Variants in VTI1A observed in about 807,000 individuals in gnomAD.
VTI1A encodes the protein vesicle transport through interaction with t-SNAREs 1A.
A neutral mutation model predicts 34.9 loss-of-function variants in VTI1A; 22 were observed. The observed-to-expected ratio is 0.63, with a 90% CI of 0.45 to 0.90. The LOEUF (loss-of-function observed/expected upper bound fraction) is 0.90. Among genes scored for constraint, VTI1A ranks in the 40% least tolerant of loss-of-function variants. The pLI, the probability that VTI1A is intolerant of heterozygous loss-of-function variation, is 0.00. For missense variants in VTI1A, 268 were observed against 275.6 expected, an observed-to-expected ratio of 0.97 and a Z score of 0.20; for synonymous variants, 87 against 97.3, an observed-to-expected ratio of 0.89 and a Z score of 0.62.
chr10:112,744,599 C>T (rs189810270), intron 7 of VTI1A, among the ~76,000 whole-genome samples: 1 of 151,964 alleles, frequency 6.6e-6, no homozygotes, highest in Non-Finnish European at 1.5e-5. Context: ...CACATGTCAC[C>T]ATGCATGACT....
At chr10:112,842,806 T>A in the VTI1A span, among the ~76,000 whole-genome samples, 2 of 152,148 alleles carry the variant, frequency 1.3e-5, no homozygotes, top group Non-Finnish European at 2.9e-5. Context: ...TTCTGTTCCC[T>A]GCCCTTAAGG....
At chr10:112,752,274 C>A in intron 7 of VTI1A, 1 of 735,754 alleles carries the variant, frequency 1.4e-6, no homozygotes. Flanking sequence ...CTGAATCCAG[C>A]CTGGCTCCAG....
At chr10:112,458,247 T>C (rs1847606819) in intron 1 of VTI1A, among the ~76,000 whole-genome samples, 1 of 152,186 alleles carries the variant, frequency 6.6e-6, no homozygotes, top group Non-Finnish European at 1.5e-5. Flanking sequence ...GAACAGGATG[T>C]TCCTCCTGAT....
chr10:112,585,065 C>T (rs1844091493), intron 5 of VTI1A, among the ~76,000 whole-genome samples: 1 of 152,168 alleles, frequency 6.6e-6, no homozygotes, highest in Non-Finnish European at 1.5e-5. Context: ...AAACTAGCTT[C>T]TTTAATTGAG....
At chr10:112,488,623 A>G (rs1046915485) in intron 3 of VTI1A, among the ~76,000 whole-genome samples, 6 of 152,226 alleles carry the variant, frequency 3.9e-5, no homozygotes, top group Non-Finnish European at 7.3e-5. Flanking sequence ...TTTGTCTTCT[A>G]TAATTTGCAC....
chr10:112,777,144 A>G (rs1481590065), intron 7 of VTI1A, among the ~76,000 whole-genome samples: 1 of 152,210 alleles, frequency 6.6e-6, no homozygotes. Flanking sequence ...CAGAAAGTAA[A>G]ATCAAAGTCC....
rs567227240 is a variant in VTI1A, at chr10:112,694,004, C to T, written c.560+25006C>T. Among the ~76,000 whole-genome samples, 64 of 152,178 alleles carry T rather than the reference C, an allele frequency of 4.2e-4. 2 individuals carry two copies. The highest frequency in any genetic ancestry group is 3.1e-3 in the East Asian group (16 of 5,166). ...TGGGCGGATCACAAGGTCAGGAGTTCGAGACCAGCCTGGCCAATATGGTGA... is the reference window on the plus strand; with the variant it reads ...TGGGCGGATCACAAGGTCAGGAGTTTGAGACCAGCCTGGCCAATATGGTGA... On this transcript the variant is annotated intron_variant, in intron 7 of 7. Transcript: ENST00000393077.
chr10:112,718,811 G>A (rs775588629), intron 7 of VTI1A, among the ~76,000 whole-genome samples: 9 of 152,290 alleles, frequency 5.9e-5, no homozygotes, highest in Admixed American at 2.0e-4. Context: ...TACTAATAAT[G>A]CATTTCAACA....
chr10:112,491,179 T>C lies in VTI1A; in HGVS notation c.264+26522T>C, dbSNP rs923882211. ...ATCAAAATCCTAGAGGGAAAAAATG[T>C]ACTCTAAAAAAAGGACATATTTCAG... On this transcript the variant is annotated intron_variant, in intron 3 of 7. Coordinates refer to ENST00000393077, the MANE Select transcript of VTI1A (RefSeq NM_145206.4). Among the ~76,000 whole-genome samples, 4 of 152,330 alleles carry C rather than the reference T, an allele frequency of 2.6e-5. No homozygotes were observed. The South Asian group carries it at 6.2e-4, about 24-fold the overall frequency.
chr10:112,563,781 A>G (rs1195808756), intron 5 of VTI1A, among the ~76,000 whole-genome samples: 4 of 152,218 alleles, frequency 2.6e-5, no homozygotes, highest in Non-Finnish European at 5.9e-5. Context: ...AATTTGTTCC[A>G]TGGGGTTATT....
At chr10:112,546,186 C>T (rs949814803) in intron 5 of VTI1A, among the ~76,000 whole-genome samples, 2 of 149,148 alleles carry the variant, frequency 1.3e-5, no homozygotes, top group Non-Finnish European at 3.0e-5. Flanking sequence ...CACACATACG[C>T]ACACACATAT....
chr10:112,555,304 A>G (rs889117448), intron 5 of VTI1A, among the ~76,000 whole-genome samples: 1 of 152,118 alleles, frequency 6.6e-6, no homozygotes, highest in East Asian at 1.9e-4. Context: ...CCATATGTCA[A>G]TATCATGAAG....
At chr10:112,514,192 T>C in intron 3 of VTI1A, among the ~76,000 whole-genome samples, 1 of 151,990 alleles carries the variant, frequency 6.6e-6, no homozygotes, top group Admixed American at 6.6e-5. Flanking sequence ...TTCTTACTTG[T>C]TATTTTTCTG....
chr10:112,575,967 C>A (rs570615793), intron 5 of VTI1A, among the ~76,000 whole-genome samples: 2 of 150,468 alleles, frequency 1.3e-5, no homozygotes, highest in Non-Finnish European at 3.0e-5. Context: ...TTTGTTCATT[C>A]TGTGTATCTT....
the VTI1A span, among the ~76,000 whole-genome samples, chr10:112,848,124 G>A: frequency 6.6e-6 from 1 of 152,136 alleles, no homozygotes; most frequent in Non-Finnish European, 1.5e-5. Context: ...GAGACTTTAG[G>A]TCTTGTCTTT....
intron 3 of VTI1A, among the ~76,000 whole-genome samples, chr10:112,467,436 T>C (rs1236596527): frequency 6.6e-6 from 1 of 151,992 alleles, no homozygotes; most frequent in Non-Finnish European, 1.5e-5. Flanking sequence ...ACACATAAAA[T>C]ATCCTAACAC....
chr10:112,745,803 G>A (rs1850876479), intron 7 of VTI1A, among the ~76,000 whole-genome samples: 1 of 152,190 alleles, frequency 6.6e-6, no homozygotes, highest in South Asian at 2.1e-4. Context: ...GACCTTGGAA[G>A]GAGCCCAAAC....
chr10:112,650,580 T>C (rs897420321), intron 5 of VTI1A, among the ~76,000 whole-genome samples: 5 of 152,242 alleles, frequency 3.3e-5, no homozygotes, highest in African/African-American at 1.2e-4. Flanking sequence ...GTACTGTGCA[T>C]AATTGTATAT....
chr10:112,835,270 A>G, the VTI1A span, among the ~76,000 whole-genome samples: 1 of 152,188 alleles, frequency 6.6e-6, no homozygotes, highest in African/African-American at 2.4e-5. Context: ...TCAATTGATT[A>G]CTTGTCAGTT....
Sources: gnomAD v4.1 joint callset for allele counts (sites outside exome capture counted in the v4.1 genomes callset) on GRCh38, gnomAD v4.1.1 for gene constraint, MANE v1.5 for transcripts, NCBI Gene and HGNC (gene_info 2026-07-23, HGNC 2026-07-21) for gene names.